Variants in NAV2 observed in about 807,000 individuals in gnomAD.
NAV2 encodes the protein neuron navigator 2.
NAV2 carries 54 observed loss-of-function variants against 223.2 expected under a neutral mutation model. The observed-to-expected ratio is 0.24, with a 90% CI of 0.19 to 0.30. NAV2 has a LOEUF of 0.30. NAV2 is among the 10% of genes least tolerant of loss of function. The pLI is 1.00. For missense variants in NAV2, 2,806 were observed against 3,147.5 expected (o/e 0.89, Z 2.60); for synonymous variants, 1,279 against 1,239.3 (o/e 1.03, Z -0.67).
At chr11:19,668,295 T>C (rs771870898) in intron 1 of NAV2, among the ~76,000 whole-genome samples, 1 of 152,146 alleles carries the variant, frequency 6.6e-6, no homozygotes, top group Non-Finnish European at 1.5e-5. Flanking sequence ...CTCAGCACTT[T>C]GAGAGGCCAA....
intron 1 of NAV2, among the ~76,000 whole-genome samples, chr11:19,817,002 G>A (rs748359011): frequency 2.0e-5 from 3 of 151,856 alleles, no homozygotes; most frequent in Non-Finnish European, 4.4e-5. Flanking sequence ...TAAATCAGTC[G>A]GCTGTGTAAT....
At chr11:20,051,367 T>A (rs1276167843) in intron 17 of NAV2, 34 bp downstream of exon 17, 4 of 1,606,722 alleles carry the variant, frequency 2.5e-6, no homozygotes, top group Admixed American at 1.7e-5. Context: ...CTGTGCCATC[T>A]GTTGTGGCTT....
intron 3 of NAV2, among the ~76,000 whole-genome samples, chr11:19,861,060 GA>G (rs1291656029): frequency 3.5e-5 from 5 of 141,030 alleles, no homozygotes; most frequent in African/African-American, 1.3e-4. Flanking sequence ...GGGGGAGGGG[GA>G]AAGGGAGAGG....
At chr11:19,879,800 G>C in intron 4 of NAV2, 69 bp from the exon 5 acceptor site, 1 of 1,584,564 alleles carries the variant, frequency 6.3e-7, no homozygotes, top group South Asian at 1.1e-5. Flanking sequence ...CTCACGTGCC[G>C]ACTGAAACAG....
chr11:19,636,477 G>A (rs796121414), intron 1 of NAV2, among the ~76,000 whole-genome samples: 2 of 151,720 alleles, frequency 1.3e-5, no homozygotes, highest in East Asian at 3.9e-4. Flanking sequence ...TTAAGGAGAT[G>A]AGTTCTGCAG....
intron 1 of NAV2, among the ~76,000 whole-genome samples, chr11:19,579,181 G>A (rs571348194): frequency 1.3e-5 from 2 of 152,330 alleles, no homozygotes; most frequent in East Asian, 1.9e-4. Flanking sequence ...CTTCTGAGCC[G>A]TGTGGCCTTG....
intron 1 of NAV2, among the ~76,000 whole-genome samples, chr11:19,370,325 T>G (rs577313176): frequency 1.3e-5 from 2 of 152,212 alleles, no homozygotes; most frequent in Non-Finnish European, 2.9e-5. Context: ...ATTGAGCCGG[T>G]CTTGGGAGAT....
intron 1 of NAV2, among the ~76,000 whole-genome samples, chr11:19,735,784 T>G (rs1198062573): frequency 6.6e-6 from 1 of 152,182 alleles, no homozygotes; most frequent in African/African-American, 2.4e-5. Flanking sequence ...GGTGTGACTG[T>G]TTCAGGGTAA....
intron 1 of NAV2, among the ~76,000 whole-genome samples, chr11:19,731,933 T>A (rs2051815397): frequency 6.6e-6 from 1 of 152,146 alleles, no homozygotes; most frequent in Admixed American, 6.5e-5. Context: ...TAGGAATGCT[T>A]GGGCCCCATC....
At chr11:19,686,729 G>A (rs116698569) in intron 1 of NAV2, among the ~76,000 whole-genome samples, 57 of 152,264 alleles carry the variant, frequency 3.7e-4, no homozygotes, top group Admixed American at 1.3e-3. Flanking sequence ...GAGGAGGCCC[G>A]GATTATCACT....
intron 1 of NAV2, among the ~76,000 whole-genome samples, chr11:19,545,250 C>T (rs1431389889): frequency 6.6e-6 from 1 of 152,222 alleles, no homozygotes; most frequent in African/African-American, 2.4e-5. Context: ...ATAAGGTGGG[C>T]AGATTTGTGT....
At chr11:19,570,026 C>T (rs999110705) in intron 1 of NAV2, among the ~76,000 whole-genome samples, 2 of 152,194 alleles carry the variant, frequency 1.3e-5, no homozygotes, top group Non-Finnish European at 2.9e-5. Context: ...TCAGGGGGAA[C>T]ATCTGTATTT....
chr11:19,936,939 A>G (rs1187952001), intron 7 of NAV2, among the ~76,000 whole-genome samples: 1 of 152,174 alleles, frequency 6.6e-6, no homozygotes, highest in African/African-American at 2.4e-5. Context: ...GGGGTTCAAG[A>G]CCAGCCTGGC....
chr11:19,959,172 G>A (rs2048146087), intron 10 of NAV2, among the ~76,000 whole-genome samples: 2 of 152,112 alleles, frequency 1.3e-5, no homozygotes, highest in African/African-American at 4.8e-5. Context: ...CTCCCAGATT[G>A]TCTCAGGCCT....
exon 1 of NAV2, chr11:19,350,845 C>A: frequency 1.8e-6 from 2 of 1,083,546 alleles, no homozygotes; most frequent in Non-Finnish European, 1.4e-6. Flanking sequence ...CCTTGGCTGG[C>A]GGGAACTCTG....
chr11:20,031,676 G>C (rs373914503), intron 11 of NAV2, among the ~76,000 whole-genome samples: 9 of 152,280 alleles, frequency 5.9e-5, no homozygotes, highest in African/African-American at 2.2e-4. Flanking sequence ...TCAGGGAAGT[G>C]AGAATCAAGT....
chr11:19,525,458 G>C (rs1201936153), intron 1 of NAV2, among the ~76,000 whole-genome samples: 2 of 152,188 alleles, frequency 1.3e-5, no homozygotes, highest in Admixed American at 6.5e-5. Flanking sequence ...GCAGGCAGAG[G>C]AAGTGAGGAC....
At chr11:20,087,495 G>C (rs2060532654) in intron 26 of NAV2, among the ~76,000 whole-genome samples, 1 of 152,134 alleles carries the variant, frequency 6.6e-6, no homozygotes, top group African/African-American at 2.4e-5. Context: ...TTGGGCTTAG[G>C]AAATTCCCCA....
At chr11:19,591,199 T>G (rs772911871) in intron 1 of NAV2, 1 of 152,388 alleles carries the variant, frequency 6.6e-6, no homozygotes, top group African/African-American at 2.4e-5. Flanking sequence ...GTGTTTGCTG[T>G]GAATGGAAAC....
Sources: gnomAD v4.1 joint callset for allele counts (sites outside exome capture counted in the v4.1 genomes callset) on GRCh38, gnomAD v4.1.1 for gene constraint, MANE v1.5 for transcripts, NCBI Gene and HGNC (gene_info 2026-07-23, HGNC 2026-07-21) for gene names.